The following MANBA variants were observed in gnomAD, a reference collection of about 807,000 sequenced individuals.
The protein encoded by MANBA is mannosidase beta, also known as beta-mannosidase.
In MANBA, 83 loss-of-function variants were observed where a neutral mutation model predicts 111.1. That is an observed-to-expected ratio of 0.75 (90% CI 0.63 to 0.90). The LOEUF is 0.90. Ranked by LOEUF, MANBA falls within the 40% of genes least tolerant of loss-of-function variation. The pLI is 0.00. For missense variants in MANBA, 1,036 were observed against 1,069.0 expected, an observed-to-expected ratio of 0.97 and a Z score of 0.43; for synonymous variants, 370 against 378.7, an observed-to-expected ratio of 0.98 and a Z score of 0.27.
At chr4:102,636,069 A>G (rs574403350) in intron 14 of MANBA, 62 bp from the exon 15 acceptor site, 151 of 1,455,304 alleles carry the variant, frequency 1.0e-4, no homozygotes, top group Middle Eastern at 5.2e-4. Context: ...GCACTGTCCA[A>G]TGGCCCAGCT....
chr4:102,757,072 G>C (rs1458883744), intron 1 of MANBA, among the ~76,000 whole-genome samples: 1 of 152,140 alleles, frequency 6.6e-6, no homozygotes, highest in Non-Finnish European at 1.5e-5. Flanking sequence ...GCTCATGCCT[G>C]TAATTCCAGC....
chr4:102,640,080 G>C (rs1729813673), intron 13 of MANBA, among the ~76,000 whole-genome samples: 1 of 152,092 alleles, frequency 6.6e-6, no homozygotes, highest in African/African-American at 2.4e-5. Flanking sequence ...TTGTCTGGTA[G>C]ACTTGGTGTT....
intron 5 of MANBA, among the ~76,000 whole-genome samples, chr4:102,699,567 AG>A (rs1294842146): frequency 2.0e-5 from 3 of 151,036 alleles, no homozygotes; most frequent in Admixed American, 1.3e-4. Context: ...TTTAGCATGA[AG>A]GGTTGTTGAA....
chr4:102,687,322 T>A (rs1240720715), intron 7 of MANBA, among the ~76,000 whole-genome samples: 1 of 129,536 alleles, frequency 7.7e-6, no homozygotes, highest in African/African-American at 2.9e-5. Context: ...ATCCTTCCAA[T>A]CTGATCTACA....
chr4:102,722,624 T>G, intron 4 of MANBA: 1 of 492,432 alleles, frequency 2.0e-6, no homozygotes, highest in African/African-American at 1.9e-5. Flanking sequence ...CCACATATTT[T>G]TCCTTTCTTT....
chr4:102,680,949 T>C (rs113728815), intron 7 of MANBA, among the ~76,000 whole-genome samples: 9 of 152,350 alleles, frequency 5.9e-5, no homozygotes, highest in African/African-American at 2.2e-4. Context: ...CCACCTTCAA[T>C]ATAGGCCTAT....
intron 1 of MANBA, among the ~76,000 whole-genome samples, chr4:102,735,242 G>A (rs1355635256): frequency 2.6e-5 from 4 of 152,176 alleles, no homozygotes; most frequent in Non-Finnish European, 5.9e-5. Flanking sequence ...GGATTTGGCT[G>A]AAGGCATGCA....
At chr4:102,743,868 C>G (rs1029617139) in intron 1 of MANBA, among the ~76,000 whole-genome samples, 1 of 152,184 alleles carries the variant, frequency 6.6e-6, no homozygotes, top group African/African-American at 2.4e-5. Context: ...CAGAAGATGG[C>G]AGGGCTTTGC....
chr4:102,747,313 T>A (rs561285797), intron 1 of MANBA, among the ~76,000 whole-genome samples: 2 of 152,256 alleles, frequency 1.3e-5, no homozygotes, highest in East Asian at 1.9e-4. Flanking sequence ...GTAGGAAGCA[T>A]CCATCATGGG....
chr4:102,726,661 T>C lies in MANBA; in HGVS notation c.200A>G (p.Asp67Gly). The change falls in exon 2 of 17, where the codon GAC becomes GGC. Residue 67 changes from aspartate (D) to glycine (G), a missense_variant. By Grantham distance (94) the Asp-to-Gly change is moderately conservative. Transcript: ENST00000647097. ...CAAAGAGACCCATCTGTAGTTAAGG[T>C]CATTAAATCTGTAGTAAGAATCCTG... ...LIQDSYYRFN[D>G]LNYRWVSLDN... 6.4e-7 allele frequency: 1 copy of C among 1,559,604 alleles called. No individual in the cohort carries two copies. Among genetic ancestry groups the C allele is most frequent in the East Asian group, 2.2e-5 (1 of 44,486 alleles).
chr4:102,663,659 T>C (rs1460610114), intron 11 of MANBA, among the ~76,000 whole-genome samples: 4 of 152,306 alleles, frequency 2.6e-5, no homozygotes, highest in Non-Finnish European at 5.9e-5. Context: ...GGTGCTAATA[T>C]CACATACTAT....
intron 1 of MANBA, among the ~76,000 whole-genome samples, chr4:102,756,797 T>TAAAAAAAAA (rs35787338): frequency 4.2e-5 from 3 of 72,002 alleles, no homozygotes; most frequent in East Asian, 4.5e-4. Flanking sequence ...AGAGACTATC[T>TAAAAAAAAA]AAAAAAAAAA....
intron 9 of MANBA, among the ~76,000 whole-genome samples, chr4:102,670,126 G>C (rs1335901172): frequency 7.0e-6 from 1 of 142,120 alleles, no homozygotes; most frequent in Non-Finnish European, 1.5e-5. Flanking sequence ...CTGCATTCCA[G>C]CCTAGGCAAC....
chr4:102,715,503 T>G (rs112980258), intron 4 of MANBA, among the ~76,000 whole-genome samples: 3,542 of 152,310 alleles, frequency 0.023, 143 homozygotes, highest in African/African-American at 0.081. Flanking sequence ...TTTCTTTTTT[T>G]AACTTTTAAG....
chr4:102,673,131 C>G (rs150304682), intron 8 of MANBA, among the ~76,000 whole-genome samples: 1 of 152,140 alleles, frequency 6.6e-6, no homozygotes, highest in Admixed American at 6.5e-5. Context: ...CTCCCACAAC[C>G]GCGCCTCCAC....
intron 5 of MANBA, among the ~76,000 whole-genome samples, chr4:102,713,789 A>G (rs1437875412): frequency 6.6e-6 from 1 of 151,274 alleles, no homozygotes; most frequent in Non-Finnish European, 1.5e-5. Flanking sequence ...ACAGCTACTC[A>G]GGAGGCTGAG....
intron 13 of MANBA, among the ~76,000 whole-genome samples, chr4:102,641,390 T>C (rs944254374): frequency 9.2e-5 from 14 of 152,170 alleles, no homozygotes; most frequent in African/African-American, 3.1e-4. Context: ...CAAAAGGCTT[T>C]TGAACTAAAG....
chr4:102,657,642 C>G, intron 12 of MANBA, 40 bp downstream of exon 12: 1 of 1,467,600 alleles, frequency 6.8e-7, no homozygotes, highest in Non-Finnish European at 9.5e-7. Context: ...TGCCCACAGT[C>G]TATCATTCTG....
chr4:102,727,323 T>G, intron 1 of MANBA: 1 of 663,196 alleles, frequency 1.5e-6, no homozygotes, highest in South Asian at 1.7e-5. Flanking sequence ...CTCATTGATA[T>G]AGTTCTCAGT....
Sources: allele counts gnomAD v4.1 joint callset (sites outside exome capture counted in the v4.1 genomes callset), GRCh38; gene constraint gnomAD v4.1.1; transcripts MANE v1.5; gene names NCBI Gene and HGNC (gene_info 2026-07-23, HGNC 2026-07-21).